The following NKAIN3 variants were observed in gnomAD, a reference collection of about 807,000 sequenced individuals.
NKAIN3 encodes the protein sodium/potassium transporting ATPase interacting 3, also known as sodium/potassium-transporting ATPase subunit beta-1-interacting protein 3.
Under a neutral mutation model 30.2 loss-of-function variants are expected in NKAIN3, and 25 were observed. The observed-to-expected ratio is 0.83, with a 90% CI of 0.60 to 1.16. The LOEUF is 1.16. NKAIN3 is among the 50% of genes most tolerant of loss of function. NKAIN3 has a pLI of 0.00. For synonymous variants in NKAIN3, 91 were observed against 89.6 expected, an observed-to-expected ratio of 1.02 and a Z score of -0.09; for missense variants, 225 against 254.1, an observed-to-expected ratio of 0.89 and a Z score of 0.78.
chr8:62,543,158 A>G (rs923656843), intron 1 of NKAIN3, among the ~76,000 whole-genome samples: 1 of 152,194 alleles, frequency 6.6e-6, no homozygotes, highest in Non-Finnish European at 1.5e-5. Context: ...CAAAAGGTAT[A>G]TATTAAAGGA....
chr8:62,996,666 A>G (rs1804120626), intron 5 of NKAIN3, among the ~76,000 whole-genome samples: 1 of 152,222 alleles, frequency 6.6e-6, no homozygotes, highest in African/African-American at 2.4e-5. Context: ...TTTCCAAGAT[A>G]CAATGGGGGG....
At chr8:62,558,693 T>C (rs1809480457) in intron 1 of NKAIN3, among the ~76,000 whole-genome samples, 1 of 152,098 alleles carries the variant, frequency 6.6e-6, no homozygotes, top group South Asian at 2.1e-4. Flanking sequence ...CATTGATTTC[T>C]CCTTATCTCT....
chr8:62,873,449 G>A (rs1290733611), intron 4 of NKAIN3, among the ~76,000 whole-genome samples: 1 of 148,800 alleles, frequency 6.7e-6, no homozygotes, highest in Non-Finnish European at 1.5e-5. Context: ...AATTAACAAA[G>A]ACATTCAGGA....
chr8:62,889,570 A>G (rs910905560), intron 4 of NKAIN3, among the ~76,000 whole-genome samples: 6 of 152,200 alleles, frequency 3.9e-5, no homozygotes, highest in Non-Finnish European at 8.8e-5. Flanking sequence ...AACAACTGAT[A>G]TGCCACTTTT....
chr8:62,358,239 C>CT (rs34616447), intron 1 of NKAIN3, among the ~76,000 whole-genome samples: 104,941 of 121,906 alleles, frequency 0.86, 45,337 homozygotes, highest in Admixed American at 0.89. Flanking sequence ...GATCTTATAC[C>CT]TTTTTTTTTT....
intron 1 of NKAIN3, among the ~76,000 whole-genome samples, chr8:62,428,642 G>A (rs1804893946): frequency 6.6e-6 from 1 of 151,886 alleles, no homozygotes; most frequent in Non-Finnish European, 1.5e-5. Context: ...TCATTTACAT[G>A]TCTTCTTTTG....
intron 1 of NKAIN3, among the ~76,000 whole-genome samples, chr8:62,457,329 A>T (rs1805852995): frequency 6.6e-6 from 1 of 152,200 alleles, no homozygotes; most frequent in Admixed American, 6.5e-5. Context: ...GGTTCAGGAG[A>T]ACTTAAAAAT....
intron 3 of NKAIN3, among the ~76,000 whole-genome samples, chr8:62,744,719 T>C (rs1371885765): frequency 6.6e-6 from 1 of 152,200 alleles, no homozygotes; most frequent in Non-Finnish European, 1.5e-5. Flanking sequence ...TTGCCTTGCG[T>C]TAAACTGAAT....
intron 5 of NKAIN3, chr8:62,990,259 T>C (rs760520028): frequency 2.6e-6 from 4 of 1,520,552 alleles, no homozygotes; most frequent in Admixed American, 2.0e-5. Context: ...TATCACCAAA[T>C]TGTCACATCA....
At chr8:62,291,211 C>G (rs1009605592) in intron 1 of NKAIN3, among the ~76,000 whole-genome samples, 1 of 151,950 alleles carries the variant, frequency 6.6e-6, no homozygotes, top group Non-Finnish European at 1.5e-5. Context: ...ATGGATTTTT[C>G]GAAGGGTTTT....
chr8:62,341,650 G>C (rs570015831), intron 1 of NKAIN3, among the ~76,000 whole-genome samples: 1 of 151,994 alleles, frequency 6.6e-6, no homozygotes, highest in East Asian at 1.9e-4. Flanking sequence ...AGGATGAAGA[G>C]TCAAACCTGA....
At chr8:62,986,449 A>G (rs1824200800), downstream of NKAIN3, among the ~76,000 whole-genome samples, 2 of 152,178 alleles carry the variant, frequency 1.3e-5, no homozygotes, top group African/African-American at 2.4e-5. Context: ...AGTTCCCTCA[A>G]TAAACTCTGT....
intron 1 of NKAIN3, among the ~76,000 whole-genome samples, chr8:62,405,626 G>T (rs1423719344): frequency 1.3e-5 from 2 of 152,204 alleles, no homozygotes; most frequent in Non-Finnish European, 2.9e-5. Flanking sequence ...CAGTGCTGCT[G>T]CTGGGTGGTA....
At chr8:62,989,678 G>A (rs62508114), downstream of NKAIN3, among the ~76,000 whole-genome samples, 16,161 of 152,150 alleles carry the variant, frequency 0.11, 899 homozygotes, top group South Asian at 0.17. Flanking sequence ...AACAGAGGGA[G>A]ACTCTGTCTC....
chr8:62,771,849 A>G (rs1267700453), intron 4 of NKAIN3, among the ~76,000 whole-genome samples: 1 of 152,178 alleles, frequency 6.6e-6, no homozygotes, highest in Non-Finnish European at 1.5e-5. Context: ...AATGCATAAT[A>G]ATCACATCAG....
chr8:62,699,053 G>A (rs2127564), intron 3 of NKAIN3, among the ~76,000 whole-genome samples: 8,554 of 152,102 alleles, frequency 0.056, 470 homozygotes, highest in African/African-American at 0.14. Flanking sequence ...AATAAATTCG[G>A]ATATGCTGTT....
chr8:62,855,931 C>A (rs1391724076), intron 4 of NKAIN3: 3 of 744,042 alleles, frequency 4.0e-6, no homozygotes, highest in South Asian at 1.4e-5. Flanking sequence ...GATGCTACAA[C>A]CTCCTTGTCC....
At chr8:62,679,663 G>C (rs1813592438) in intron 3 of NKAIN3, among the ~76,000 whole-genome samples, 1 of 152,150 alleles carries the variant, frequency 6.6e-6, no homozygotes. Flanking sequence ...TACATGGCCA[G>C]AGCAGAAGGG....
chr8:62,467,384 C>T (rs1204097118), intron 1 of NKAIN3, among the ~76,000 whole-genome samples: 1 of 152,102 alleles, frequency 6.6e-6, no homozygotes, highest in African/African-American at 2.4e-5. Context: ...CTTATGAAAA[C>T]AAAGGTACAA....
Sources: gnomAD v4.1 joint callset for allele counts (sites outside exome capture counted in the v4.1 genomes callset) on GRCh38, gnomAD v4.1.1 for gene constraint, MANE v1.5 for transcripts, NCBI Gene and HGNC (gene_info 2026-07-23, HGNC 2026-07-21) for gene names.